RASAL2: variants seen among roughly 807,000 people sequenced by gnomAD.
The protein encoded by RASAL2 is RAS protein activator like 2, also known as ras GTPase-activating protein nGAP.
In RASAL2, 58 loss-of-function variants were observed where a neutral mutation model predicts 128.9. The ratio of observed to expected loss-of-function variants is 0.45; its 90% CI spans 0.36 to 0.56. RASAL2 has a LOEUF of 0.56. Ranked by LOEUF, RASAL2 falls within the 20% of genes least tolerant of loss-of-function variation. The probability of loss-of-function intolerance (pLI) is 0.00; values close to 1 mark genes in which losing one functional copy is unlikely to be tolerated. For synonymous variants in RASAL2, 561 were observed against 580.8 expected (o/e 0.97, Z 0.49); for missense variants, 1,360 against 1,601.6 (o/e 0.85, Z 2.57).
intron 1 of RASAL2, among the ~76,000 whole-genome samples, chr1:178,246,681 C>A (rs983250901): frequency 6.6e-6 from 1 of 152,062 alleles, no homozygotes; most frequent in African/African-American, 2.4e-5. Context: ...TTTGCCCATT[C>A]AGTATGATAT....
chr1:178,119,060 G>T (rs1659620580), intron 1 of RASAL2, among the ~76,000 whole-genome samples: 1 of 152,088 alleles, frequency 6.6e-6, no homozygotes, highest in African/African-American at 2.4e-5. Context: ...TAGAGACAGG[G>T]TTTCACCATG....
intron 1 of RASAL2, among the ~76,000 whole-genome samples, chr1:178,169,333 A>G (rs1661628091): frequency 1.3e-5 from 2 of 152,316 alleles, no homozygotes; most frequent in African/African-American, 4.8e-5. Context: ...ACTTCGTATT[A>G]GAAGATTGTA....
chr1:178,216,347 T>C (rs555251555), intron 1 of RASAL2, among the ~76,000 whole-genome samples: 1 of 152,328 alleles, frequency 6.6e-6, no homozygotes, highest in East Asian at 1.9e-4. Flanking sequence ...GAGAAGAAAT[T>C]TGTGACATTT....
rs1452926655 is a variant in RASAL2 at position 178,241,676 on chromosome 1, T to C, written c.203-41888T>C. Among the ~76,000 whole-genome samples, 5 of 152,214 alleles carry C rather than the reference T, an allele frequency of 3.3e-5. No homozygotes were observed. In the East Asian group the frequency reaches 9.6e-4, roughly 29 times the overall value. On this transcript the variant is annotated intron_variant, in intron 1 of 17. Transcript: ENST00000367649. ...CTCTCAGAAATGGATGACCAAAGTATTGCACTCAGAAGGGTGTGCAAAGGT... is the reference window on the plus strand; with the variant it reads ...CTCTCAGAAATGGATGACCAAAGTACTGCACTCAGAAGGGTGTGCAAAGGT...
intron 4 of RASAL2, among the ~76,000 whole-genome samples, chr1:178,392,617 C>T (rs143962335): frequency 3.6e-4 from 55 of 152,268 alleles, no homozygotes; most frequent in African/African-American, 1.2e-3. Context: ...AATTACTTGA[C>T]TCTTCTCCTA....
chr1:178,098,216 C>G (rs1485852468), intron 1 of RASAL2, among the ~76,000 whole-genome samples: 1 of 152,204 alleles, frequency 6.6e-6, no homozygotes, highest in Non-Finnish European at 1.5e-5. Flanking sequence ...GTACCTTGCT[C>G]ATAGTAAGTC....
intron 3 of RASAL2, among the ~76,000 whole-genome samples, chr1:178,353,145 G>A (rs944831198): frequency 1.3e-5 from 2 of 152,158 alleles, no homozygotes; most frequent in African/African-American, 2.4e-5. Flanking sequence ...CTGAAAATGG[G>A]CTCTTCTCTT....
At chr1:178,268,531 G>C (rs1449110913) in intron 1 of RASAL2, among the ~76,000 whole-genome samples, 2 of 152,036 alleles carry the variant, frequency 1.3e-5, no homozygotes, top group Non-Finnish European at 2.9e-5. Context: ...CTACTTGGGA[G>C]GATTGCTTGA....
chr1:178,396,321 A>T (rs922594189), intron 4 of RASAL2, among the ~76,000 whole-genome samples: 1 of 152,056 alleles, frequency 6.6e-6, no homozygotes, highest in Admixed American at 6.6e-5. Context: ...TGTACCATAA[A>T]CCCTTTTCCT....
In RASAL2 at chr1:178,283,613, C is replaced by T. The variant is rs775459193; in HGVS notation, c.252C>T (p.Tyr84=). The change falls in exon 2 of 18, where the codon TAC becomes TAT. Residue 84 remains tyrosine, a synonymous_variant. Transcript: ENST00000367649. ...GTCTGTCTTGTGGTCAGTCACCCTACACCGAGACAACAACGTGGGAGCGGA... is the reference window on the plus strand; with the variant it reads ...GTCTGTCTTGTGGTCAGTCACCCTATACCGAGACAACAACGTGGGAGCGGA... ...THRLSCGQSP[Y]TETTTWERKY... 8 of 1,613,804 alleles carry T rather than the reference C, an allele frequency of 5.0e-6. No individual in the cohort carries two copies. Among genetic ancestry groups the T allele is most frequent in the Admixed American group, 1.7e-5 (1 of 59,982 alleles).
At chr1:178,289,606 C>A (rs1230887471) in intron 2 of RASAL2, among the ~76,000 whole-genome samples, 2 of 152,090 alleles carry the variant, frequency 1.3e-5, no homozygotes, top group African/African-American at 2.4e-5. Flanking sequence ...TGAGCCACTG[C>A]ACCAGGCCAT....
At chr1:178,304,612 G>A (rs1164283601) in intron 3 of RASAL2, among the ~76,000 whole-genome samples, 1 of 152,158 alleles carries the variant, frequency 6.6e-6, no homozygotes, top group African/African-American at 2.4e-5. Flanking sequence ...ATGGTATGTG[G>A]CAGCAGAAGC....
At chr1:178,130,248 C>G (rs990631134) in intron 1 of RASAL2, among the ~76,000 whole-genome samples, 1 of 152,100 alleles carries the variant, frequency 6.6e-6, no homozygotes, top group African/African-American at 2.4e-5. Flanking sequence ...CAAATTTTAA[C>G]ACAAGGAGAT....
At chr1:178,245,137 T>A (rs1313985994) in intron 1 of RASAL2, among the ~76,000 whole-genome samples, 2 of 152,238 alleles carry the variant, frequency 1.3e-5, no homozygotes, top group Non-Finnish European at 2.9e-5. Flanking sequence ...TTCTAGATCC[T>A]TGAGGAATCG....
At chr1:178,371,349 CACAA>C (rs1229055024) in intron 3 of RASAL2, among the ~76,000 whole-genome samples, 1 of 141,946 alleles carries the variant, frequency 7.0e-6, no homozygotes, top group Non-Finnish European at 1.5e-5. Flanking sequence ...CACACACACA[CACAA>C]ATACACACAC....
At chr1:178,418,064 C>T (rs1674887450) in intron 4 of RASAL2, among the ~76,000 whole-genome samples, 1 of 151,992 alleles carries the variant, frequency 6.6e-6, no homozygotes, top group Admixed American at 6.6e-5. Flanking sequence ...ATGACTGTGA[C>T]TAATGACAGT....
At chr1:178,392,599 T>A (rs182666151) in intron 4 of RASAL2, among the ~76,000 whole-genome samples, 3 of 152,280 alleles carry the variant, frequency 2.0e-5, no homozygotes, top group Non-Finnish European at 4.4e-5. Flanking sequence ...TACTGTGAAA[T>A]ATGGGTAAAT....
Position 178,462,097 on chromosome 1 carries a change from A to T in RASAL2, c.3253-2181A>T, listed in dbSNP as rs561815897. Among the ~76,000 whole-genome samples the T allele has an allele frequency of 1.1e-3, 169 of 152,256 alleles. 1 individual carries two copies. Among genetic ancestry groups the T allele is most frequent in the Non-Finnish European group, 1.8e-3 (124 of 68,002 alleles). ...TCATGTTGAAAGTCAGTGGATATAA[A>T]TTCTCTTTCTAAGGCCATTCCTAAG... is the stretch of plus-strand genomic sequence containing the variant. On this transcript the variant is annotated intron_variant, in intron 14 of 17. Coordinates refer to ENST00000367649, the MANE Select transcript of RASAL2 (RefSeq NM_170692.4).
At chr1:178,461,705 A>G (rs2102927049) in intron 14 of RASAL2, among the ~76,000 whole-genome samples, 1 of 152,296 alleles carries the variant, frequency 6.6e-6, no homozygotes, top group Non-Finnish European at 1.5e-5. Flanking sequence ...GATTTGTTGA[A>G]CTGTCTCTTA....
Sources: allele counts gnomAD v4.1 joint callset (sites outside exome capture counted in the v4.1 genomes callset), GRCh38; gene constraint gnomAD v4.1.1; transcripts MANE v1.5; gene names NCBI Gene and HGNC (gene_info 2026-07-23, HGNC 2026-07-21).